Variants in ATP6V1H observed in about 807,000 individuals in gnomAD.
ATP6V1H encodes V-type proton ATPase subunit H.
Under a neutral mutation model 71.7 loss-of-function variants are expected in ATP6V1H, and 39 were observed. The ratio of observed to expected loss-of-function variants is 0.54; its 90% CI spans 0.42 to 0.71. The LOEUF is 0.71. Among genes scored for constraint, ATP6V1H ranks in the 30% least tolerant of loss-of-function variants. The probability of loss-of-function intolerance (pLI) is 0.00; values close to 1 mark genes in which losing one functional copy is unlikely to be tolerated. For missense variants in ATP6V1H, 509 were observed against 594.9 expected, an observed-to-expected ratio of 0.86 and a Z score of 1.50; for synonymous variants, 192 against 199.3, an observed-to-expected ratio of 0.96 and a Z score of 0.31.
At chr8:53,781,267 T>C (rs1420248591) in intron 9 of ATP6V1H, among the ~76,000 whole-genome samples, 1 of 152,254 alleles carries the variant, frequency 6.6e-6, no homozygotes, top group East Asian at 1.9e-4. Flanking sequence ...ACTGTGGTTT[T>C]GATTTGCATT....
intron 7 of ATP6V1H, among the ~76,000 whole-genome samples, chr8:53,806,475 C>T (rs1295900519): frequency 6.6e-6 from 1 of 151,788 alleles, no homozygotes; most frequent in Non-Finnish European, 1.5e-5. Flanking sequence ...TATTGGTTTA[C>T]AAATTTATAA....
At chr8:53,790,697 C>A (rs1244311318) in intron 9 of ATP6V1H, among the ~76,000 whole-genome samples, 1 of 152,146 alleles carries the variant, frequency 6.6e-6, no homozygotes. Context: ...TGAGTGCATA[C>A]AGACTTTGTA....
At position 53,715,903 on chromosome 8, in the gene ATP6V1H, T is replaced by C. The variant is rs531864436; in HGVS notation, c.*61A>G. ...ATCAAACAGTGTTCACTCTTAACTC[T>C]AAACACAGTGCTCCCACTACTGGTT... On this transcript the variant is annotated 3_prime_UTR_variant, in exon 14 of 14. Transcript: ENST00000359530. 6.8e-7 allele frequency: 1 copy of C among 1,476,996 alleles called. No individual in the cohort carries two copies. The highest frequency in any genetic ancestry group is 9.3e-7 in the Non-Finnish European group (1 of 1,072,238). The allele number at this position is 1,476,996 out of a possible 1,614,324, so 91.5% of individuals were successfully genotyped here.
intron 9 of ATP6V1H, among the ~76,000 whole-genome samples, chr8:53,783,497 T>C (rs940883246): frequency 2.0e-5 from 3 of 152,230 alleles, no homozygotes; most frequent in Non-Finnish European, 1.5e-5. Flanking sequence ...AGCCAGCTCC[T>C]GGATTCATTG....
At chr8:53,724,292 A>C (rs1585717263) in intron 13 of ATP6V1H, among the ~76,000 whole-genome samples, 1 of 152,320 alleles carries the variant, frequency 6.6e-6, no homozygotes, top group East Asian at 1.9e-4. Flanking sequence ...CCTAAGAATT[A>C]AAATCAAAGC....
intron 4 of ATP6V1H, among the ~76,000 whole-genome samples, chr8:53,825,669 T>C (rs1313930548): frequency 6.6e-6 from 1 of 152,146 alleles, no homozygotes; most frequent in African/African-American, 2.4e-5. Context: ...ACTGACATTT[T>C]AATAAATGGT....
At chr8:53,801,577 T>G (rs1435737157) in intron 8 of ATP6V1H, among the ~76,000 whole-genome samples, 1 of 152,178 alleles carries the variant, frequency 6.6e-6, no homozygotes, top group Non-Finnish European at 1.5e-5. Context: ...TTGTTAAGCA[T>G]TAGGTTCTTA....
chr8:53,722,972 A>AT (rs1473455083), intron 13 of ATP6V1H, among the ~76,000 whole-genome samples: 1 of 152,232 alleles, frequency 6.6e-6, no homozygotes, highest in Non-Finnish European at 1.5e-5. Context: ...CAGCTTTATA[A>AT]TTATACTTGA....
At chr8:53,737,532 GA>G (rs1275572371) in intron 13 of ATP6V1H, among the ~76,000 whole-genome samples, 3 of 152,170 alleles carry the variant, frequency 2.0e-5, no homozygotes, top group African/African-American at 7.2e-5. Flanking sequence ...AACCCTTAAG[GA>G]AAATAAGGCA....
At chr8:53,793,978 C>T (rs373774529) in intron 9 of ATP6V1H, among the ~76,000 whole-genome samples, 2 of 152,082 alleles carry the variant, frequency 1.3e-5, no homozygotes, top group Non-Finnish European at 2.9e-5. Context: ...TCATTTGACT[C>T]GGCAGTTCCA....
chr8:53,761,982 G>C (rs1013777759), intron 11 of ATP6V1H, among the ~76,000 whole-genome samples: 1 of 152,178 alleles, frequency 6.6e-6, no homozygotes, highest in African/African-American at 2.4e-5. Flanking sequence ...AAGCCAAGGA[G>C]CAACCTGATT....
At chr8:53,768,002 C>T (rs1303997668) in intron 11 of ATP6V1H, among the ~76,000 whole-genome samples, 1 of 152,032 alleles carries the variant, frequency 6.6e-6, no homozygotes, top group African/African-American at 2.4e-5. Context: ...ATAAGATAAC[C>T]CACAAAATGA....
chr8:53,761,963 C>T (rs950335164), intron 11 of ATP6V1H, among the ~76,000 whole-genome samples: 4 of 152,106 alleles, frequency 2.6e-5, no homozygotes, highest in South Asian at 4.2e-4. Context: ...ACCAAGCTGG[C>T]AGGGAGGTAA....
chr8:53,766,188 T>G (rs1021870426), intron 11 of ATP6V1H, among the ~76,000 whole-genome samples: 1 of 152,194 alleles, frequency 6.6e-6, no homozygotes, highest in Middle Eastern at 3.2e-3. Flanking sequence ...AGAACGTGGA[T>G]TGTGAAGATT....
chr8:53,748,662 C>A (rs1438042868), intron 12 of ATP6V1H, among the ~76,000 whole-genome samples: 1 of 152,110 alleles, frequency 6.6e-6, no homozygotes, highest in Admixed American at 6.6e-5. Context: ...TGTCACATAT[C>A]ACAGTTTCAG....
At chr8:53,789,176 C>A (rs958504288) in intron 9 of ATP6V1H, among the ~76,000 whole-genome samples, 2 of 152,280 alleles carry the variant, frequency 1.3e-5, no homozygotes, top group South Asian at 4.1e-4. Context: ...ACTAATATCT[C>A]TCTTCTGTGA....
intron 2 of ATP6V1H, chr8:53,839,966 G>T: frequency 1.0e-6 from 1 of 968,620 alleles, no homozygotes; most frequent in Non-Finnish European, 1.2e-6. Flanking sequence ...TGCATTGCCT[G>T]CCTCCAAAAC....
chr8:53,749,572 T>C (rs1807723875), intron 12 of ATP6V1H, among the ~76,000 whole-genome samples: 1 of 152,158 alleles, frequency 6.6e-6, no homozygotes, highest in South Asian at 2.1e-4. Context: ...CTGGGGTAGC[T>C]ACATCGGCTT....
chr8:53,766,360 T>TAATC (rs1186256078), intron 11 of ATP6V1H, among the ~76,000 whole-genome samples: 9 of 152,236 alleles, frequency 5.9e-5, no homozygotes, highest in Non-Finnish European at 1.0e-4. Flanking sequence ...TTTAATCTCT[T>TAATC]AATCCTGTCA....
Sources: allele counts gnomAD v4.1 joint callset (sites outside exome capture counted in the v4.1 genomes callset), GRCh38; gene constraint gnomAD v4.1.1; transcripts MANE v1.5; gene names NCBI Gene and HGNC (gene_info 2026-07-23, HGNC 2026-07-21).